The following CDK14 variants were observed in gnomAD, a reference collection of about 807,000 sequenced individuals.
CDK14 encodes cyclin-dependent kinase 14.
A neutral mutation model predicts 60.7 loss-of-function variants in CDK14; 34 were observed. The observed-to-expected ratio is 0.56, with a 90% CI of 0.43 to 0.75. The LOEUF is 0.75. Among genes scored for constraint, CDK14 ranks in the 30% least tolerant of loss-of-function variants. The probability of loss-of-function intolerance (pLI) is 0.00; values close to 1 mark genes in which losing one functional copy is unlikely to be tolerated. For synonymous variants in CDK14, 197 were observed against 203.7 expected (o/e 0.97, Z 0.28); for missense variants, 482 against 564.1 (o/e 0.85, Z 1.47).
intron 2 of CDK14, among the ~76,000 whole-genome samples, chr7:90,623,421 G>T (rs1277566695): frequency 6.6e-6 from 1 of 152,018 alleles, no homozygotes; most frequent in Non-Finnish European, 1.5e-5. Flanking sequence ...CTGTATATAT[G>T]CATCTCTTTG....
chr7:90,693,715 C>G (rs1436960712), intron 2 of CDK14, among the ~76,000 whole-genome samples: 1 of 152,130 alleles, frequency 6.6e-6, no homozygotes, highest in Non-Finnish European at 1.5e-5. Flanking sequence ...GATATTGGGC[C>G]TTCTGCCTTT....
chr7:90,829,220 A>G (rs1303858653), intron 5 of CDK14, among the ~76,000 whole-genome samples: 1 of 152,104 alleles, frequency 6.6e-6, no homozygotes, highest in Non-Finnish European at 1.5e-5. Flanking sequence ...CAGCCAAACC[A>G]TATCATTCTC....
intron 5 of CDK14, among the ~76,000 whole-genome samples, chr7:90,846,128 A>G (rs1790463513): frequency 6.6e-6 from 1 of 151,966 alleles, no homozygotes; most frequent in Non-Finnish European, 1.5e-5. Flanking sequence ...TAAACTACAT[A>G]TTTTCCCATC....
intron 10 of CDK14, among the ~76,000 whole-genome samples, chr7:91,036,681 A>T (rs1345867414): frequency 6.6e-6 from 1 of 152,078 alleles, no homozygotes; most frequent in Non-Finnish European, 1.5e-5. Context: ...TTTTCCTAAT[A>T]TTCTTTTTTT....
At chr7:90,984,768 C>T (rs561904606) in intron 10 of CDK14, among the ~76,000 whole-genome samples, 1 of 152,266 alleles carries the variant, frequency 6.6e-6, no homozygotes, top group African/African-American at 2.4e-5. Context: ...GATAATGGCA[C>T]CTCACCTCTG....
At chr7:90,793,324 T>A (rs1455656761) in intron 5 of CDK14, among the ~76,000 whole-genome samples, 1 of 152,236 alleles carries the variant, frequency 6.6e-6, no homozygotes, top group Non-Finnish European at 1.5e-5. Context: ...TAATATGTGG[T>A]AGCATATTAA....
chr7:90,708,018 C>G (rs551653335), intron 2 of CDK14, among the ~76,000 whole-genome samples: 1 of 152,200 alleles, frequency 6.6e-6, no homozygotes, highest in South Asian at 2.1e-4. Context: ...GGTTTTTATA[C>G]AAGATATCTT....
At position 90,644,476 on chromosome 7, in the gene CDK14, A is replaced by G. The variant is rs139866779; in HGVS notation, c.123+40227A>G. Among the ~76,000 whole-genome samples the G allele has an allele frequency of 2.2e-3, 342 of 152,262 alleles. 1 individual carries two copies. Among genetic ancestry groups the G allele is most frequent in the African/African-American group, 8.0e-3 (332 of 41,540 alleles). On this transcript the variant is annotated intron_variant, in intron 2 of 14. Transcript: ENST00000380050. ...GAATCTGTGGATCCTTGTTGAGCTTATGTCTAATTTAGGTAACAGCTCTAT... is the reference window on the plus strand; with the variant it reads ...GAATCTGTGGATCCTTGTTGAGCTTGTGTCTAATTTAGGTAACAGCTCTAT...
intron 2 of CDK14, among the ~76,000 whole-genome samples, chr7:90,690,452 CT>C (rs1168368475): frequency 7.9e-5 from 12 of 152,274 alleles, no homozygotes; most frequent in African/African-American, 2.9e-4. Context: ...ATGGCAATAC[CT>C]GTAAAATACT....
intron 14 of CDK14, among the ~76,000 whole-genome samples, chr7:91,148,830 T>C (rs1371684255): frequency 1.3e-5 from 2 of 152,170 alleles, no homozygotes; most frequent in African/African-American, 4.8e-5. Context: ...TCTTGCTATT[T>C]ACCAGGCACT....
intron 5 of CDK14, among the ~76,000 whole-genome samples, chr7:90,858,980 A>G (rs558346978): frequency 5.3e-5 from 8 of 152,226 alleles, no homozygotes; most frequent in Non-Finnish European, 7.3e-5. Flanking sequence ...TATTGTAATT[A>G]CTTTCTCACT....
At chr7:91,179,194 G>A (rs1341260530) in intron 14 of CDK14, among the ~76,000 whole-genome samples, 1 of 151,948 alleles carries the variant, frequency 6.6e-6, no homozygotes, top group Admixed American at 6.6e-5. Flanking sequence ...ATGAGTTCAT[G>A]TCCTTTGTAG....
At chr7:90,747,798 A>G (rs1314311355) in intron 4 of CDK14, 23 bp downstream of exon 4, 26 of 1,322,088 alleles carry the variant, frequency 2.0e-5, no homozygotes, top group Non-Finnish European at 2.6e-5. Context: ...TTTTTGGAAT[A>G]TTTCACATGT....
intron 9 of CDK14, among the ~76,000 whole-genome samples, chr7:90,964,713 C>T (rs758188444): frequency 1.4e-4 from 21 of 152,048 alleles, no homozygotes; most frequent in Admixed American, 2.0e-4. Flanking sequence ...TTACTATTTT[C>T]GACACTATCT....
chr7:91,013,742 A>T (rs1034733544), intron 10 of CDK14, among the ~76,000 whole-genome samples: 5 of 149,602 alleles, frequency 3.3e-5, no homozygotes, highest in African/African-American at 9.9e-5. Flanking sequence ...GAGTTAGGAG[A>T]ATCATAGTGT....
intron 1 of CDK14, among the ~76,000 whole-genome samples, chr7:90,601,155 A>G (rs1799306618): frequency 6.6e-6 from 1 of 152,242 alleles, no homozygotes; most frequent in Admixed American, 6.5e-5. Flanking sequence ...GCTGATCTTA[A>G]ATATTTTGAT....
intron 12 of CDK14, among the ~76,000 whole-genome samples, chr7:91,096,501 C>A (rs1798996173): frequency 6.6e-6 from 1 of 152,050 alleles, no homozygotes; most frequent in Non-Finnish European, 1.5e-5. Flanking sequence ...CAGAACTACC[C>A]AGTTAAGCTT....
At chr7:90,837,887 G>A (rs1208826523) in intron 5 of CDK14, among the ~76,000 whole-genome samples, 1 of 152,150 alleles carries the variant, frequency 6.6e-6, no homozygotes, top group Non-Finnish European at 1.5e-5. Flanking sequence ...AACATCTAGA[G>A]TAGTGATTTT....
At chr7:90,951,867 T>C (rs536255189) in intron 8 of CDK14, among the ~76,000 whole-genome samples, 6 of 152,130 alleles carry the variant, frequency 3.9e-5, no homozygotes, top group African/African-American at 1.2e-4. Context: ...AGGAATTACA[T>C]AGAACCAGGT....
Sources: gnomAD v4.1 joint callset for allele counts (sites outside exome capture counted in the v4.1 genomes callset) on GRCh38, gnomAD v4.1.1 for gene constraint, MANE v1.5 for transcripts, NCBI Gene and HGNC (gene_info 2026-07-23, HGNC 2026-07-21) for gene names.